Variants in NUDCD1 observed in about 807,000 individuals in gnomAD.
NUDCD1 encodes the protein nudC domain-containing protein 1.
In NUDCD1, 60 loss-of-function variants were observed where a neutral mutation model predicts 67.8. The ratio of observed to expected loss-of-function variants is 0.88; its 90% CI spans 0.72 to 1.10. The LOEUF is 1.10. Among genes scored for constraint, NUDCD1 ranks in the 50% least tolerant of loss-of-function variants. The pLI is 0.00. For synonymous variants in NUDCD1, 244 were observed against 230.8 expected (o/e 1.06, Z -0.52); for missense variants, 643 against 695.0 (o/e 0.93, Z 0.84).
rs1310790412 is a variant in NUDCD1 at position 109,242,299 on chromosome 8, C to G, written c.*710G>C. 2.5e-6 allele frequency: 1 copy of G among 394,324 alleles called. No individual in the cohort carries two copies. 24.4% of individuals were successfully genotyped at this position (394,324 alleles called of 1,614,324 possible). A position where few individuals can be genotyped will look rare whatever the true frequency, so the allele number is the denominator to read the frequency against. On this transcript the variant is annotated 3_prime_UTR_variant, in exon 10 of 10. Transcript: ENST00000239690. ...GAAGATTCGTCTAGTCTACTGGAGG[C>G]TGAGAGGCCCTGTACAGCAGAGACA... is the stretch of plus-strand genomic sequence containing the variant.
chr8:109,266,622 T>C (rs1213012073), intron 8 of NUDCD1, among the ~76,000 whole-genome samples: 1 of 152,152 alleles, frequency 6.6e-6, no homozygotes, highest in Non-Finnish European at 1.5e-5. Context: ...CACATTTCAA[T>C]GCAGACTAGC....
At chr8:109,333,811 G>T in intron 1 of NUDCD1, 82 bp downstream of exon 1, 2 of 1,455,062 alleles carry the variant, frequency 1.4e-6, no homozygotes, top group Non-Finnish European at 1.9e-6. Flanking sequence ...CAGTCAGAAA[G>T]AAAGAAATTG....
chr8:109,289,769 T>C lies in NUDCD1; in HGVS notation c.805A>G (p.Ile269Val), dbSNP rs2980618. The part of the protein sequence containing the change: ...QDLEENMDED[I>V]SEKIKEPLYY... ...AAATTACCTTTGATTTTCTCTGATA[T>C]GTCTTCATCCATATTTTCTTCAAGA... Residue 269 changes from isoleucine (I) to valine (V), a missense_variant, in exon 5 of 10, where the codon ATA (isoleucine) becomes GTA (valine). Ile to Val is a conservative substitution (Grantham distance 29, BLOSUM62 3). Coordinates refer to ENST00000239690, the MANE Select transcript of NUDCD1 (RefSeq NM_032869.4). 0.39 allele frequency: 572,285 copies of C among 1,485,466 alleles called. 114,812 individuals carry two copies. The highest frequency in any genetic ancestry group is 0.49 in the Admixed American group (26,644 of 54,054). 92.0% of individuals were successfully genotyped at this position (1,485,466 alleles called of 1,614,324 possible).
chr8:109,330,533 T>C (rs1815781455), intron 1 of NUDCD1, among the ~76,000 whole-genome samples: 1 of 152,230 alleles, frequency 6.6e-6, no homozygotes, highest in African/African-American at 2.4e-5. Context: ...TAATTCCTAA[T>C]GAAAAACTCA....
At chr8:109,322,572 A>G in intron 1 of NUDCD1, 109 bp from the exon 2 acceptor site, 1 of 731,900 alleles carries the variant, frequency 1.4e-6, no homozygotes, top group South Asian at 2.0e-5. Context: ...GCCAATCACA[A>G]AGGCCTTCAG....
intron 2 of NUDCD1, among the ~76,000 whole-genome samples, chr8:109,311,809 A>C (rs1815259319): frequency 6.6e-6 from 1 of 151,612 alleles, no homozygotes; most frequent in Non-Finnish European, 1.5e-5. Context: ...ATTCAACTAC[A>C]AATAGGACTA....
At chr8:109,324,973 C>G (rs1476732072) in intron 1 of NUDCD1, among the ~76,000 whole-genome samples, 1 of 152,080 alleles carries the variant, frequency 6.6e-6, no homozygotes, top group Non-Finnish European at 1.5e-5. Context: ...GCCTGTAATT[C>G]CAACTACTGG....
At chr8:109,280,159 C>T (rs1302848806) in intron 6 of NUDCD1, among the ~76,000 whole-genome samples, 1 of 151,954 alleles carries the variant, frequency 6.6e-6, no homozygotes, top group Non-Finnish European at 1.5e-5. Context: ...GATTAATTGT[C>T]TAAAATGATG....
chr8:109,303,849 C>T (rs1422408269), intron 2 of NUDCD1, among the ~76,000 whole-genome samples: 3 of 152,132 alleles, frequency 2.0e-5, no homozygotes, highest in Admixed American at 2.0e-4. Context: ...CACTCGCCTG[C>T]TACAGCATGG....
intron 7 of NUDCD1, among the ~76,000 whole-genome samples, chr8:109,272,080 G>A (rs1053240988): frequency 4.6e-5 from 7 of 151,978 alleles, no homozygotes; most frequent in African/African-American, 1.7e-4. Context: ...AACATCAGAT[G>A]AAAATGTCAA....
intron 2 of NUDCD1, chr8:109,298,865 G>C (rs552071106): frequency 6.2e-4 from 94 of 152,310 alleles, no homozygotes; most frequent in African/African-American, 2.1e-3. Context: ...AAAGCCGAGA[G>C]AACCCGCAGA....
At chr8:109,243,499 C>T (rs569669563) in intron 9 of NUDCD1, among the ~76,000 whole-genome samples, 198 bp from the exon 10 acceptor site, 383 of 152,246 alleles carry the variant, frequency 2.5e-3, no homozygotes, top group Non-Finnish European at 3.6e-3. Flanking sequence ...AAAAATACGA[C>T]TTTAATTCCT....
chr8:109,283,989 T>TAA (rs58089818), intron 5 of NUDCD1, among the ~76,000 whole-genome samples: 54 of 133,168 alleles, frequency 4.1e-4, no homozygotes, highest in African/African-American at 5.6e-4. Flanking sequence ...AAAGCTGGAT[T>TAA]AAAAAAAAAA....
intron 6 of NUDCD1, among the ~76,000 whole-genome samples, chr8:109,280,262 T>C (rs563921955): frequency 1.8e-4 from 27 of 152,312 alleles, no homozygotes; most frequent in African/African-American, 3.4e-4. Flanking sequence ...AGATTTATCA[T>C]TGCAAGTGAA....
chr8:109,243,152 T>A lies in NUDCD1; in HGVS notation c.1609A>T (p.Arg537Trp), dbSNP rs757022702. The A allele has an allele frequency of 1.2e-6, 2 of 1,613,966 alleles. No homozygotes were observed. The highest frequency in any genetic ancestry group is 1.7e-5 in the Admixed American group (1 of 60,014). Reference sequence around the variant, plus strand: ...TGCTTAGCAACCTGTCCTACTTGCCTGCCTTCCTTTCTGTTGTAAAGTACA... The same window carrying A: ...TGCTTAGCAACCTGTCCTACTTGCCAGCCTTCCTTTCTGTTGTAAAGTACA... ...STVLYNRKEG[R>W]QVGQVAKQQV... is the part of the protein sequence containing the mutation. The change falls in exon 10 of 10, where the codon AGG becomes TGG. Residue 537 changes from arginine (R) to tryptophan (W), a missense_variant. Physicochemically the swap from Arg to Trp is moderately radical, Grantham distance 101. Coordinates refer to ENST00000239690, the MANE Select transcript of NUDCD1 (RefSeq NM_032869.4).
intron 1 of NUDCD1, among the ~76,000 whole-genome samples, chr8:109,326,408 G>C (rs16879319): frequency 0.098 from 14,910 of 152,174 alleles, 780 homozygotes; most frequent in Middle Eastern, 0.14. Context: ...CAGAGCAACT[G>C]AAAGTAGAAA....
At position 109,241,869 on chromosome 8, in the gene NUDCD1, G is replaced by T. The variant is rs778676252; in HGVS notation, c.*1140C>A. 34 of 385,834 alleles carry T rather than the reference G, an allele frequency of 8.8e-5. No individual in the cohort carries two copies. The highest frequency in any genetic ancestry group is 1.2e-4 in the Non-Finnish European group (27 of 218,570). 23.9% of individuals were successfully genotyped at this position (385,834 alleles called of 1,614,324 possible). ...ATTAAAATATAAAATCCAACTTGAG[G>T]TTTATATAAGATACATATCTTGAAA... On this transcript the variant is annotated 3_prime_UTR_variant, in exon 10 of 10. Transcript: ENST00000239690.
Position 109,296,516 on chromosome 8 carries a change from T to G in NUDCD1, c.327A>C (p.Thr109=). ...REVFRLPTDL[T]ACDNRLCASI... ...ATGCACAAAGACGGTTGTCACATGC[T>G]GTCAAATCTGTAGGAAGTCGAAACA... Residue 109 remains threonine, a synonymous_variant, in exon 3 of 10, where the codon ACA becomes ACC. Transcript: ENST00000239690. 6.2e-7 allele frequency: 1 copy of G among 1,612,264 alleles called. No individual in the cohort carries two copies.
intron 8 of NUDCD1, among the ~76,000 whole-genome samples, chr8:109,255,336 A>T (rs1445013949): frequency 6.6e-6 from 1 of 152,168 alleles, no homozygotes; most frequent in African/African-American, 2.4e-5. Context: ...CCTGGGTTGC[A>T]TTTTTTGGTT....
Sources: gnomAD v4.1 joint callset for allele counts (sites outside exome capture counted in the v4.1 genomes callset) on GRCh38, gnomAD v4.1.1 for gene constraint, MANE v1.5 for transcripts, NCBI Gene and HGNC (gene_info 2026-07-23, HGNC 2026-07-21) for gene names.